The following TRABD2B variants were observed in gnomAD, a reference collection of about 807,000 sequenced individuals.
TRABD2B encodes the protein metalloprotease TIKI2.
A neutral mutation model predicts 40.1 loss-of-function variants in TRABD2B; 14 were observed. The observed-to-expected ratio is 0.35, with a 90% confidence interval of 0.23 to 0.55. The LOEUF (loss-of-function observed/expected upper bound fraction) is 0.55. Ranked by LOEUF, TRABD2B falls within the 20% of genes least tolerant of loss-of-function variation. The pLI is 0.90. For synonymous variants in TRABD2B, 263 were observed against 277.0 expected (o/e 0.95, Z 0.50); for missense variants, 541 against 648.6 (o/e 0.83, Z 1.80).
chr1:47,944,145 G>A (rs1179143830), intron 2 of TRABD2B, among the ~76,000 whole-genome samples: 1 of 152,158 alleles, frequency 6.6e-6, no homozygotes, highest in African/African-American at 2.4e-5. Flanking sequence ...GGACACGGGA[G>A]TGCATGAGCC....
At chr1:47,844,508 A>C (rs564563275) in intron 2 of TRABD2B, among the ~76,000 whole-genome samples, 1 of 152,318 alleles carries the variant, frequency 6.6e-6, no homozygotes, top group South Asian at 2.1e-4. Flanking sequence ...GATCTCAATG[A>C]ACATCTTTTG....
At chr1:47,831,454 G>A (rs1330820935) in intron 2 of TRABD2B, among the ~76,000 whole-genome samples, 3 of 152,168 alleles carry the variant, frequency 2.0e-5, no homozygotes, top group Non-Finnish European at 4.4e-5. Flanking sequence ...TCGCAGGCAT[G>A]TGTGTATACA....
chr1:47,858,899 T>C (rs1402060480), intron 2 of TRABD2B, among the ~76,000 whole-genome samples: 2 of 152,110 alleles, frequency 1.3e-5, no homozygotes, highest in African/African-American at 4.8e-5. Flanking sequence ...AGCAGAGAGC[T>C]CCTTTCTGGG....
At chr1:47,798,428 A>T (rs1644776959) in intron 3 of TRABD2B, among the ~76,000 whole-genome samples, 1 of 152,320 alleles carries the variant, frequency 6.6e-6, no homozygotes, top group East Asian at 1.9e-4. Flanking sequence ...CCTTTGGATC[A>T]CCCTGCTGTT....
chr1:47,940,335 T>C (rs531649383), intron 2 of TRABD2B, among the ~76,000 whole-genome samples: 1 of 152,294 alleles, frequency 6.6e-6, no homozygotes, highest in Admixed American at 6.5e-5. Context: ...GTCTCCACCA[T>C]CAGACTGTGA....
chr1:47,783,021 A>T (rs1644546530), intron 4 of TRABD2B, among the ~76,000 whole-genome samples: 1 of 152,026 alleles, frequency 6.6e-6, no homozygotes, highest in South Asian at 2.1e-4. Context: ...GAGGAAACAG[A>T]GGGAGGACCA....
At chr1:47,853,275 C>T (rs1643852425) in intron 2 of TRABD2B, among the ~76,000 whole-genome samples, 1 of 152,214 alleles carries the variant, frequency 6.6e-6, no homozygotes, top group Non-Finnish European at 1.5e-5. Context: ...CACCAACGCA[C>T]CCCGGCATTG....
At chr1:47,798,116 G>T (rs1644772848) in intron 3 of TRABD2B, among the ~76,000 whole-genome samples, 1 of 152,170 alleles carries the variant, frequency 6.6e-6, no homozygotes, top group African/African-American at 2.4e-5. Flanking sequence ...TCCTCTTGAT[G>T]AGGGTCACAG....
chr1:47,846,900 G>A (rs1285595571), intron 2 of TRABD2B, among the ~76,000 whole-genome samples: 1 of 75,850 alleles, frequency 1.3e-5, no homozygotes, highest in African/African-American at 4.6e-5. Context: ...ACACACAAAT[G>A]AGGGCTGGGT....
chr1:47,889,319 T>C (rs1246349808), intron 2 of TRABD2B, among the ~76,000 whole-genome samples: 1 of 152,206 alleles, frequency 6.6e-6, no homozygotes, highest in African/African-American at 2.4e-5. Context: ...TCACACCACT[T>C]CTCTAAGCCT....
intron 2 of TRABD2B, among the ~76,000 whole-genome samples, chr1:47,960,644 C>T (rs1645498915): frequency 6.6e-6 from 1 of 152,078 alleles, no homozygotes; most frequent in African/African-American, 2.4e-5. Context: ...CCTAGGAATC[C>T]AACTTAAAAG....
intron 4 of TRABD2B, among the ~76,000 whole-genome samples, chr1:47,793,049 G>T (rs955868293): frequency 6.6e-6 from 1 of 152,092 alleles, no homozygotes; most frequent in Non-Finnish European, 1.5e-5. Context: ...CTCCCAGCAG[G>T]TGCCCTGCGG....
rs192874927 is a variant in TRABD2B, at chr1:47,894,637, C to T, written c.667-93018G>A. On this transcript the variant is annotated intron_variant, in intron 2 of 6. Coordinates refer to ENST00000606738, the MANE Select transcript of TRABD2B (RefSeq NM_001194986.2). Reference sequence around the variant, plus strand: ...TGATATTTCAGCAGGGCACTGAATGCATTTCGGACCACATGGGACCAAGTC... The same window carrying T: ...TGATATTTCAGCAGGGCACTGAATGTATTTCGGACCACATGGGACCAAGTC... 9.8e-5 allele frequency among the ~76,000 whole-genome samples: 15 copies of T among 152,304 alleles called. No individual in the cohort carries two copies. In the East Asian group the frequency reaches 2.5e-3, roughly 25 times the overall value.
At chr1:47,817,221 T>C (rs778682527) in intron 2 of TRABD2B, among the ~76,000 whole-genome samples, 2 of 151,884 alleles carry the variant, frequency 1.3e-5, no homozygotes, top group Non-Finnish European at 2.9e-5. Context: ...CCAACACCCC[T>C]GCCCCAGCTC....
At chr1:47,963,429 C>T (rs1371145503) in intron 2 of TRABD2B, among the ~76,000 whole-genome samples, 1 of 152,218 alleles carries the variant, frequency 6.6e-6, no homozygotes, top group African/African-American at 2.4e-5. Flanking sequence ...GGAGCTGCCT[C>T]TTAGGGACCA....
chr1:47,865,644 G>C (rs938684813), intron 2 of TRABD2B, among the ~76,000 whole-genome samples: 27 of 152,124 alleles, frequency 1.8e-4, no homozygotes, highest in African/African-American at 6.0e-4. Flanking sequence ...CTCCAGAGAG[G>C]TTCTCATCCT....
chr1:47,805,256 A>AT (rs61141795), intron 2 of TRABD2B, among the ~76,000 whole-genome samples: 6,063 of 139,532 alleles, frequency 0.043, 398 homozygotes, highest in African/African-American at 0.15. Flanking sequence ...TGCCACACCC[A>AT]TTTTTTTTTT....
chr1:47,871,388 G>A (rs1644138265), intron 2 of TRABD2B, among the ~76,000 whole-genome samples: 1 of 152,174 alleles, frequency 6.6e-6, no homozygotes, highest in South Asian at 2.1e-4. Context: ...CTGACAGGAG[G>A]CAAGTTGGCT....
chr1:47,923,969 C>T lies in TRABD2B; in HGVS notation c.666+70065G>A, dbSNP rs562131329. ...ACACACACACACACACACACACACA[C>T]ATCCTATTAGTTCTGTTTCTCTGGA... is the stretch of plus-strand genomic sequence containing the variant. On this transcript the variant is annotated intron_variant, in intron 2 of 6. Coordinates refer to ENST00000606738, the MANE Select transcript of TRABD2B (RefSeq NM_001194986.2). Among the ~76,000 whole-genome samples, 178 of 107,678 alleles carry T rather than the reference C, an allele frequency of 1.7e-3. 1 individual carries two copies. In the South Asian group the frequency reaches 0.031, roughly 19 times the overall value. The allele number at this position is 107,678 out of a possible 152,430, so 70.6% of individuals were successfully genotyped here. A position where few individuals can be genotyped will look rare whatever the true frequency, so the allele number is the denominator to read the frequency against.
Sources: gnomAD v4.1 joint callset for allele counts (sites outside exome capture counted in the v4.1 genomes callset) on GRCh38, gnomAD v4.1.1 for gene constraint, MANE v1.5 for transcripts, NCBI Gene and HGNC (gene_info 2026-07-23, HGNC 2026-07-21) for gene names.